Variants in IL4R observed in about 807,000 individuals in gnomAD.
IL4R encodes interleukin-4 receptor subunit alpha.
In IL4R, 17 loss-of-function variants were observed where a neutral mutation model predicts 41.5. That is an observed-to-expected ratio of 0.41 (90% confidence interval 0.28 to 0.61). The LOEUF (loss-of-function observed/expected upper bound fraction) is 0.61, where lower values mean the gene tolerates loss of function less well. Ranked by LOEUF, IL4R falls within the 20% of genes least tolerant of loss-of-function variation. The probability of loss-of-function intolerance (pLI) is 0.31; values close to 1 mark genes in which losing one functional copy is unlikely to be tolerated. For synonymous variants in IL4R, 402 were observed against 422.9 expected (o/e 0.95, Z 0.61); for missense variants, 974 against 1,043.1 (o/e 0.93, Z 0.91).
At chr16:27,318,832 G>C (rs2084724396) in intron 1 of IL4R, 1 of 152,262 alleles carries the variant, frequency 6.6e-6, no homozygotes, top group African/African-American at 2.4e-5. Context: ...TTGAGTTCCT[G>C]GTGGGGAGGG....
intron 10 of IL4R, chr16:27,361,025 A>C: frequency 1.4e-6 from 2 of 1,447,718 alleles, no homozygotes; most frequent in Non-Finnish European, 1.8e-6. Flanking sequence ...TGTCAGGTAC[A>C]TGGTGATACC....
chr16:27,328,904 G>T (rs1463392652), intron 1 of IL4R, among the ~76,000 whole-genome samples: 2 of 152,064 alleles, frequency 1.3e-5, no homozygotes, highest in Non-Finnish European at 2.9e-5. Context: ...ATATATTAAG[G>T]CCATTAACCG....
In IL4R at chr16:27,340,201, C is replaced by T. The variant is rs775445217; in HGVS notation, c.-3C>T. On this transcript the variant is annotated 5_prime_UTR_variant, in exon 3 of 11. Coordinates refer to ENST00000395762, the MANE Select transcript of IL4R (RefSeq NM_000418.4). Reference sequence around the variant, plus strand: ...CTCTCTGCAGGTGCCTTGGCATCTCCCAATGGGGTGGCTTTGCTCTGGGCT... The same window carrying T: ...CTCTCTGCAGGTGCCTTGGCATCTCTCAATGGGGTGGCTTTGCTCTGGGCT... 5 of 1,613,264 alleles carry T rather than the reference C, an allele frequency of 3.1e-6. No individual in the cohort carries two copies. The South Asian group carries it at 5.5e-5, about 18-fold the overall frequency.
chr16:27,352,252 C>T (rs2085903012), intron 6 of IL4R, among the ~76,000 whole-genome samples: 1 of 152,206 alleles, frequency 6.6e-6, no homozygotes, highest in South Asian at 2.1e-4. Context: ...AGTAGGGACT[C>T]TTACCCTTGT....
chr16:27,328,954 T>A (rs1321721358), intron 1 of IL4R, among the ~76,000 whole-genome samples: 3 of 152,160 alleles, frequency 2.0e-5, no homozygotes, highest in Non-Finnish European at 4.4e-5. Flanking sequence ...GTCTTTTGCT[T>A]GCTGATATAG....
chr16:27,362,486 G>C lies in IL4R; in HGVS notation c.1134G>C (p.Glu378Asp), dbSNP rs760989912. The C allele has an allele frequency of 1.9e-6, 3 of 1,614,092 alleles. No homozygotes were observed. The Admixed American group carries it at 5.0e-5, about 27-fold the overall frequency. Residue 378 changes from glutamate to aspartate, a missense_variant, in exon 11 of 11, where the codon GAG (glutamate) becomes GAC (aspartate). By Grantham distance (45) the Glu-to-Asp change is conservative. Transcript: ENST00000395762. ...AGTGTGAGGAGGAGGAGGAGGTAGA[G>C]GAAGAAAAAGGGAGCTTCTGTGCAT... ...PVECEEEEEVEEEKGSFCASP... is the reference protein window; with the variant it reads ...PVECEEEEEVDEEKGSFCASP...
intron 9 of IL4R, chr16:27,359,940 G>T (rs1339709041): frequency 2.6e-6 from 1 of 385,276 alleles, no homozygotes; most frequent in Non-Finnish European, 5.5e-6. Context: ...GGGAGGCTGG[G>T]CTGGGCTGGG....
rs760634504 is a variant in IL4R at position 27,358,956 on chromosome 16, C to T, written c.811C>T (p.Arg271Cys). 10 of 1,613,876 alleles carry T rather than the reference C, an allele frequency of 6.2e-6. No individual in the cohort carries two copies. The highest frequency in any genetic ancestry group is 1.1e-5 in the South Asian group (1 of 91,080). Residue 271 changes from arginine (R) to cysteine (C), a missense_variant, in exon 9 of 11, where the codon CGC (arginine) becomes TGC (cysteine). Physicochemically the swap from Arg to Cys is radical, Grantham distance 180 (BLOSUM62 -3). Coordinates refer to ENST00000395762, the MANE Select transcript of IL4R (RefSeq NM_000418.4). ...GTGGGATCAGATTCCCAACCCAGCC[C>T]GCAGCCGCCTCGTGGCTATAATAAT... ...EWWDQIPNPA[R>C]SRLVAIIIQD...
intron 4 of IL4R, among the ~76,000 whole-genome samples, 158 bp from the exon 5 acceptor site, chr16:27,344,711 C>CACACCCTG (rs1227908580): frequency 1.3e-5 from 2 of 152,214 alleles, no homozygotes; most frequent in Non-Finnish European, 2.9e-5. Flanking sequence ...GCTGCCCCAG[C>CACACCCTG]ACACCCTGGC....
rs1156799318 is a variant in IL4R, at chr16:27,362,738, G to C, written c.1386G>C (p.Glu462Asp). Residue 462 changes from glutamate to aspartate, a missense_variant, in exon 11 of 11, where the codon GAG (glutamate) becomes GAC (aspartate). By Grantham distance (45) the Glu-to-Asp change is conservative. Coordinates refer to ENST00000395762, the MANE Select transcript of IL4R (RefSeq NM_000418.4). ...AGGAGGCACCTCCCTGGGGCAAGGA[G>C]CAGCCTCTCCACCTGGAGCCAAGTC... is the stretch of plus-strand genomic sequence containing the variant. Reference protein sequence around the residue: ...GPKEAPPWGKEQPLHLEPSPP... With the variant: ...GPKEAPPWGKDQPLHLEPSPP... 6.2e-7 allele frequency: 1 copy of C among 1,614,050 alleles called. No homozygotes were observed. The highest frequency in any genetic ancestry group is 1.7e-5 in the Admixed American group (1 of 60,028).
intron 2 of IL4R, among the ~76,000 whole-genome samples, chr16:27,339,458 C>T (rs2085369449): frequency 6.6e-6 from 1 of 152,094 alleles, no homozygotes; most frequent in Admixed American, 6.6e-5. Context: ...CATTTAATCC[C>T]CACAACACCT....
Position 27,345,081 on chromosome 16 carries a change from GGGTGGGGTGGGCAGGGGAGGA to G in IL4R, c.361+70_361+90del. 7 of 1,254,226 alleles carry G rather than the reference GGGTGGGGTGGGCAGGGGAGGA, an allele frequency of 5.6e-6. No homozygotes were observed. Among genetic ancestry groups the G allele is most frequent in the South Asian group, 1.2e-5 (1 of 84,184 alleles). 77.7% of individuals were successfully genotyped at this position (1,254,226 alleles called of 1,614,324 possible). ...GTGTTCCCACAGCTGCCTGGGCTGAGGGTGGGGTGGGCAGGGGAGGAGGTGGGGTCATAGCAACAGCAGGAG... is the reference window on the plus strand; with the variant it reads ...GTGTTCCCACAGCTGCCTGGGCTGAGGGTGGGGTCATAGCAACAGCAGGAG... On this transcript the variant is annotated intron_variant, in intron 5 of 10. Transcript: ENST00000395762. The surrounding 1 kb of genome is among the most constrained non-coding windows in gnomAD (Gnocchi z 4.5).
intron 9 of IL4R, among the ~76,000 whole-genome samples, chr16:27,359,217 G>C (rs1448566268): frequency 6.6e-6 from 1 of 152,168 alleles, no homozygotes; most frequent in Non-Finnish European, 1.5e-5. Context: ...GGCTTCTCTG[G>C]GGTTGGTTTC....
intron 2 of IL4R, among the ~76,000 whole-genome samples, chr16:27,335,693 C>T (rs1374569251): frequency 1.3e-5 from 2 of 152,084 alleles, no homozygotes; most frequent in Non-Finnish European, 2.9e-5. Context: ...CACAAGAATT[C>T]CAAGCCTATC....
chr16:27,338,556 A>G (rs1357525923), intron 2 of IL4R, among the ~76,000 whole-genome samples: 1 of 151,940 alleles, frequency 6.6e-6, no homozygotes, highest in East Asian at 1.9e-4. Flanking sequence ...AGCTGGTGCT[A>G]TGGGCTGAAT....
intron 1 of IL4R, among the ~76,000 whole-genome samples, chr16:27,326,423 C>T (rs895025970): frequency 2.0e-5 from 3 of 152,192 alleles, no homozygotes; most frequent in Admixed American, 6.5e-5. Context: ...TTGCTTGAGG[C>T]CAGGAGTTTG....
chr16:27,361,900 G>A (rs376504176), intron 10 of IL4R, among the ~76,000 whole-genome samples: 3 of 152,078 alleles, frequency 2.0e-5, no homozygotes, highest in South Asian at 2.1e-4. Context: ...GATTACAGGC[G>A]TGAGCCACCG....
At chr16:27,333,483 C>T (rs890661395) in intron 2 of IL4R, among the ~76,000 whole-genome samples, 1 of 152,054 alleles carries the variant, frequency 6.6e-6, no homozygotes, top group African/African-American at 2.4e-5. Context: ...CTAGCTCTGA[C>T]CTTTTACCAG....
chr16:27,359,366 C>T (rs1450537325), intron 9 of IL4R, among the ~76,000 whole-genome samples: 1 of 152,158 alleles, frequency 6.6e-6, no homozygotes. Context: ...GTGTCTTCTT[C>T]TTAAGCATAG....
Sources: gnomAD v4.1 joint callset for allele counts (sites outside exome capture counted in the v4.1 genomes callset) on GRCh38, gnomAD v4.1.1 for gene constraint, Gnocchi (gnomAD v3.1) non-coding constraint, MANE v1.5 for transcripts, NCBI Gene and HGNC (gene_info 2026-07-23, HGNC 2026-07-21) for gene names.